The following ATXN2 variants were observed in gnomAD, a reference collection of about 807,000 sequenced individuals.
ATXN2 encodes the protein ataxin-2.
Under a neutral mutation model 138.6 loss-of-function variants are expected in ATXN2, and 37 were observed. That is an observed-to-expected ratio of 0.27 (90% CI 0.21 to 0.35). The LOEUF (loss-of-function observed/expected upper bound fraction) is 0.35. ATXN2 is among the 10% of genes least tolerant of loss of function. ATXN2 has a pLI of 1.00. For synonymous variants in ATXN2, 549 were observed against 543.7 expected (o/e 1.01, Z -0.13); for missense variants, 1,216 against 1,480.3 (o/e 0.82, Z 2.93).
At chr12:111,511,944 T>C (rs953648582) in intron 11 of ATXN2, 1 of 152,228 alleles carries the variant, frequency 6.6e-6, no homozygotes, top group African/African-American at 2.4e-5. Context: ...GTTTTGTTTT[T>C]GTTTCCTTAA....
chr12:111,485,225 C>T, intron 18 of ATXN2, 40 bp downstream of exon 18: 1 of 1,557,112 alleles, frequency 6.4e-7, no homozygotes, highest in Non-Finnish European at 8.8e-7. Flanking sequence ...ATTCATGCAG[C>T]ATGCAAACTA....
chr12:111,513,111 C>A (rs985271999), intron 11 of ATXN2: 6 of 446,404 alleles, frequency 1.3e-5, no homozygotes, highest in African/African-American at 1.0e-4. Context: ...GTAGACTAGG[C>A]AAGAATTATT....
chr12:111,491,055 C>T (rs1210440644), intron 14 of ATXN2, among the ~76,000 whole-genome samples: 1 of 152,064 alleles, frequency 6.6e-6, no homozygotes, highest in Admixed American at 6.6e-5. Flanking sequence ...AGTTCAAGAC[C>T]AGCCTGACCA....
chr12:111,566,284 T>C (rs968828110), intron 1 of ATXN2, among the ~76,000 whole-genome samples: 1 of 151,174 alleles, frequency 6.6e-6, no homozygotes, highest in Non-Finnish European at 1.5e-5. Flanking sequence ...AATACAAAAT[T>C]AGGTGGGCAT....
At chr12:111,494,543 AG>A (rs1227350790) in intron 14 of ATXN2, among the ~76,000 whole-genome samples, 2 of 150,910 alleles carry the variant, frequency 1.3e-5, no homozygotes, top group East Asian at 3.9e-4. Context: ...CTCCTGCCTC[AG>A]CCTCCTGAGT....
chr12:111,543,747 C>T (rs139021777), intron 5 of ATXN2, among the ~76,000 whole-genome samples: 1 of 152,100 alleles, frequency 6.6e-6, no homozygotes, highest in Non-Finnish European at 1.5e-5. Flanking sequence ...GAGTACATGG[C>T]GTATATGAAC....
chr12:111,495,684 A>G (rs1878374768), intron 14 of ATXN2, among the ~76,000 whole-genome samples: 1 of 152,226 alleles, frequency 6.6e-6, no homozygotes, highest in Non-Finnish European at 1.5e-5. Flanking sequence ...CAGATCATTC[A>G]GACAGAAAAT....
chr12:111,464,324 GGTGTGTGTGTTTGTGTGTGTGTGTGT>G (rs1875826287), intron 21 of ATXN2, among the ~76,000 whole-genome samples: 1 of 126,158 alleles, frequency 7.9e-6, no homozygotes, highest in African/African-American at 3.4e-5. Context: ...TTGTGGCTTG[GGTGTGTGTGTTTGTGTGTGTGTGTGT>G]GTGTGTGTGT....
chr12:111,546,762 G>A (rs894597576), intron 5 of ATXN2, among the ~76,000 whole-genome samples: 6 of 152,178 alleles, frequency 3.9e-5, no homozygotes, highest in African/African-American at 1.2e-4. Context: ...AGCCAAAAGC[G>A]ACTGAAGGCC....
intron 1 of ATXN2, among the ~76,000 whole-genome samples, chr12:111,583,520 C>T (rs569663922): frequency 2.0e-5 from 3 of 151,708 alleles, no homozygotes; most frequent in African/African-American, 4.8e-5. Flanking sequence ...AATCCCAGCA[C>T]GTTGGGAGGC....
rs1245478034 is a variant in ATXN2 at position 111,598,803 on chromosome 12, C to A, written c.232G>T (p.Gly78Trp). ...SSVVAATSGG[G>W]RPGLGRGRNS... ...ACCCACCTGCCCAGGCCGGGCCTCC[C>A]GCCGCCGGAGGTCGCCGCGACCACC... The change falls in exon 1 of 25, where the codon GGG becomes TGG. Residue 78 changes from glycine to tryptophan, a missense_variant. Around this residue, in one of 4 missense-constraint regions of ATXN2, gnomAD observed 401 missense variants for 528.1 expected, o/e 0.76. Coordinates refer to ENST00000673436, the MANE Select transcript of ATXN2 (RefSeq NM_001372574.1). This position sits in a 1 kb window ranked among gnomAD's most constrained non-coding sequence, Gnocchi z 4.5. 5.0e-6 allele frequency: 7 copies of A among 1,399,468 alleles called. No homozygotes were observed. The highest frequency in any genetic ancestry group is 6.5e-6 in the Non-Finnish European group (7 of 1,084,562). The allele number at this position is 1,399,468 out of a possible 1,614,324, so 86.7% of individuals were successfully genotyped here.
Position 111,516,261 on chromosome 12 carries a change from C to A in ATXN2, c.1268G>T (p.Arg423Leu). The A allele has an allele frequency of 6.4e-7, 1 of 1,565,976 alleles. No individual in the cohort carries two copies. Among genetic ancestry groups the A allele is most frequent in the Non-Finnish European group, 8.6e-7 (1 of 1,162,178 alleles). The stretch of plus-strand genomic sequence containing the variant: ...CCGCGAGGGGGGCCTGGAGGGCGGC[C>A]GTGTAGGGGTGGCTGCCCGAGGTGG... ...SLPPRAATPT[R>L]PPSRPPSRPS... The change falls in exon 10 of 25, where the codon CGG (arginine) becomes CTG (leucine). Residue 423 changes from arginine (R) to leucine (L), a missense_variant. By Grantham distance (102) the Arg-to-Leu change is moderately radical. Transcript: ENST00000673436. This position sits in a 1 kb window ranked among gnomAD's most constrained non-coding sequence, Gnocchi z 5.0.
chr12:111,581,285 C>G, intron 1 of ATXN2: 1 of 474,508 alleles, frequency 2.1e-6, no homozygotes, highest in Non-Finnish European at 3.9e-6. Context: ...TAAAAAACCA[C>G]CAGAGCCAGA....
chr12:111,518,572 T>A, intron 8 of ATXN2, 145 bp from the exon 9 acceptor site: 1 of 780,160 alleles, frequency 1.3e-6, no homozygotes, highest in Non-Finnish European at 1.9e-6. Context: ...CAGATGCCCC[T>A]GTTCTTCCAT....
chr12:111,595,282 T>C (rs1222823194), intron 1 of ATXN2, among the ~76,000 whole-genome samples: 1 of 152,144 alleles, frequency 6.6e-6, no homozygotes, highest in Non-Finnish European at 1.5e-5. Flanking sequence ...TATTTAAAAA[T>C]GTTCACTGCA....
intron 21 of ATXN2, among the ~76,000 whole-genome samples, chr12:111,462,967 T>TACAC (rs201459505): frequency 0.015 from 2,046 of 134,628 alleles, 43 homozygotes; most frequent in African/African-American, 0.056. Flanking sequence ...CACATACATA[T>TACAC]ATATATATAT....
At chr12:111,593,604 T>C (rs1444312352) in intron 1 of ATXN2, among the ~76,000 whole-genome samples, 1 of 147,346 alleles carries the variant, frequency 6.8e-6, no homozygotes, top group Non-Finnish European at 1.5e-5. Flanking sequence ...GCTTACATTT[T>C]TCTCTTAAAA....
chr12:111,547,284 G>A (rs956100066), intron 5 of ATXN2, among the ~76,000 whole-genome samples: 1 of 152,096 alleles, frequency 6.6e-6, no homozygotes, highest in Non-Finnish European at 1.5e-5. Context: ...AAAATTAGCT[G>A]GGCATGGTGG....
intron 5 of ATXN2, among the ~76,000 whole-genome samples, chr12:111,533,653 G>A (rs989189901): frequency 6.6e-6 from 1 of 152,020 alleles, no homozygotes; most frequent in Non-Finnish European, 1.5e-5. Context: ...AACCTCTCGA[G>A]TAGCTGGGAT....
Sources: allele counts gnomAD v4.1 joint callset (sites outside exome capture counted in the v4.1 genomes callset), GRCh38; gene constraint gnomAD v4.1.1; regional missense constraint gnomAD v4.1.1; non-coding constraint Gnocchi (gnomAD v3.1); transcripts MANE v1.5; gene names NCBI Gene and HGNC (gene_info 2026-07-23, HGNC 2026-07-21).